The following SPRED2 variants were observed in gnomAD, a reference collection of about 807,000 sequenced individuals.
SPRED2 encodes the protein sprouty related EVH1 domain containing 2.
SPRED2 carries 47 observed loss-of-function variants against 43.0 expected under a neutral mutation model. That is an observed-to-expected ratio of 1.09 (90% CI 0.87 to 1.40). The LOEUF is 1.40. Among genes scored for constraint, SPRED2 ranks in the 40% most tolerant of loss-of-function variants. SPRED2 has a pLI of 0.00. For synonymous variants in SPRED2, 225 were observed against 225.7 expected (o/e 1.00, Z 0.03); for missense variants, 561 against 586.4 (o/e 0.96, Z 0.45).
intron 4 of SPRED2, among the ~76,000 whole-genome samples, chr2:65,317,350 T>C (rs772395810): frequency 9.2e-5 from 14 of 152,060 alleles, no homozygotes; most frequent in Non-Finnish European, 1.3e-4. Flanking sequence ...CTGTCTCTAC[T>C]AAAAATACAA....
chr2:65,413,408 C>T (rs1025480713), intron 1 of SPRED2, among the ~76,000 whole-genome samples: 4 of 152,138 alleles, frequency 2.6e-5, no homozygotes, highest in African/African-American at 7.2e-5. Flanking sequence ...TGGGTTCCCA[C>T]GTTATGAAGA....
chr2:65,361,486 A>T (rs142875168), intron 1 of SPRED2, among the ~76,000 whole-genome samples: 1 of 152,372 alleles, frequency 6.6e-6, no homozygotes, highest in African/African-American at 2.4e-5. Flanking sequence ...CTACTTTAAT[A>T]GAAAGAACAC....
chr2:65,380,529 T>G (rs1358289065), intron 1 of SPRED2: 1 of 152,230 alleles, frequency 6.6e-6, no homozygotes, highest in East Asian at 1.9e-4. Context: ...TAAACACCAT[T>G]TTTAAAATTT....
downstream of SPRED2, among the ~76,000 whole-genome samples, chr2:65,307,711 T>C (rs1672969317): frequency 6.6e-6 from 1 of 152,202 alleles, no homozygotes; most frequent in African/African-American, 2.4e-5. Context: ...ATAGCACCAG[T>C]GGCTGCTCCA....
rs570737125 is a variant in SPRED2 at position 65,384,176 on chromosome 2, A to T, written c.27-39280T>A. 5.8e-4 allele frequency among the ~76,000 whole-genome samples: 88 copies of T among 151,028 alleles called. No homozygotes were observed. The South Asian group carries it at 0.018, about 30-fold the overall frequency. On this transcript the variant is annotated intron_variant, in intron 1 of 5. Transcript: ENST00000356388. Reference sequence around the variant, plus strand: ...TGCCCAGAGCCGGCCTATCTCCACCAGGTGTGGGAACTGCAGCTCTCGGTG... The same window carrying T: ...TGCCCAGAGCCGGCCTATCTCCACCTGGTGTGGGAACTGCAGCTCTCGGTG...
At chr2:65,322,295 T>TCTATATA (rs1491266235) in intron 4 of SPRED2, among the ~76,000 whole-genome samples, 1 of 45,010 alleles carries the variant, frequency 2.2e-5, no homozygotes, top group African/African-American at 1.2e-4. Context: ...TATATATATA[T>TCTATATA]TTTTTTTTTT....
At chr2:65,417,169 C>T (rs1013388194) in intron 1 of SPRED2, among the ~76,000 whole-genome samples, 1 of 152,170 alleles carries the variant, frequency 6.6e-6, no homozygotes, top group African/African-American at 2.4e-5. Flanking sequence ...GACCACACCA[C>T]CTTGGCAGTT....
intron 4 of SPRED2, among the ~76,000 whole-genome samples, chr2:65,322,187 A>G (rs1404543866): frequency 6.8e-6 from 1 of 146,336 alleles, no homozygotes; most frequent in Non-Finnish European, 1.5e-5. Context: ...AGATTTTTCT[A>G]AGTAAATCAT....
chr2:65,369,761 C>T, intron 1 of SPRED2, among the ~76,000 whole-genome samples: 1 of 151,362 alleles, frequency 6.6e-6, no homozygotes, highest in African/African-American at 2.5e-5. Flanking sequence ...GGCTTGGCAG[C>T]TCATGCCAGT....
chr2:65,427,140 C>T (rs1328728176), intron 1 of SPRED2, among the ~76,000 whole-genome samples: 1 of 152,138 alleles, frequency 6.6e-6, no homozygotes, highest in Non-Finnish European at 1.5e-5. Flanking sequence ...GGTACGATCA[C>T]AGCTCATTGC....
At chr2:65,399,345 C>T (rs1675829378) in intron 1 of SPRED2, among the ~76,000 whole-genome samples, 1 of 149,532 alleles carries the variant, frequency 6.7e-6, no homozygotes, top group Admixed American at 6.7e-5. Flanking sequence ...AAAATAATGG[C>T]ATTTGCAGCA....
At chr2:65,430,984 C>T (rs1676670625) in intron 1 of SPRED2, among the ~76,000 whole-genome samples, 2 of 152,258 alleles carry the variant, frequency 1.3e-5, no homozygotes, top group East Asian at 3.9e-4. Context: ...GCGGCCCCGC[C>T]CCCGTCGCAC....
chr2:65,399,795 T>G (rs1050462230), intron 1 of SPRED2, among the ~76,000 whole-genome samples: 3 of 152,138 alleles, frequency 2.0e-5, no homozygotes, highest in African/African-American at 7.2e-5. Context: ...ATAAGAATCA[T>G]ACATTGGACT....
chr2:65,382,332 G>A (rs1256056886), intron 1 of SPRED2, among the ~76,000 whole-genome samples: 1 of 152,226 alleles, frequency 6.6e-6, no homozygotes, highest in Non-Finnish European at 1.5e-5. Context: ...AAAGCCAGGG[G>A]GGGTGCTTTG....
At chr2:65,374,098 A>G (rs1441675780) in intron 1 of SPRED2, 2 of 152,240 alleles carry the variant, frequency 1.3e-5, no homozygotes, top group Non-Finnish European at 2.9e-5. Context: ...CTGGAAAATA[A>G]CATTCCCGTT....
chr2:65,331,578 C>T (rs745937545), intron 4 of SPRED2, among the ~76,000 whole-genome samples: 5 of 152,148 alleles, frequency 3.3e-5, no homozygotes, highest in Non-Finnish European at 2.9e-5. Context: ...GGGAGGGAAG[C>T]GTGTTCACAG....
intron 1 of SPRED2, among the ~76,000 whole-genome samples, chr2:65,387,761 A>G (rs1443739398): frequency 1.3e-5 from 2 of 152,090 alleles, no homozygotes; most frequent in Admixed American, 6.5e-5. Flanking sequence ...AAGGAAATGT[A>G]TACACACTGA....
chr2:65,399,108 C>T (rs926449761), intron 1 of SPRED2, among the ~76,000 whole-genome samples: 2 of 151,806 alleles, frequency 1.3e-5, no homozygotes, highest in East Asian at 2.0e-4. Context: ...GAAACCCTGT[C>T]TCTCTTAAAA....
At chr2:65,412,041 T>C (rs1676172916) in intron 1 of SPRED2, among the ~76,000 whole-genome samples, 1 of 149,018 alleles carries the variant, frequency 6.7e-6, no homozygotes, top group Non-Finnish European at 1.5e-5. Context: ...GGCAGGAGAA[T>C]GGCATGAACC....
Sources: gnomAD v4.1 joint callset for allele counts (sites outside exome capture counted in the v4.1 genomes callset) on GRCh38, gnomAD v4.1.1 for gene constraint, MANE v1.5 for transcripts, NCBI Gene and HGNC (gene_info 2026-07-23, HGNC 2026-07-21) for gene names.